Variants in TCP11L1 observed in about 807,000 individuals in gnomAD.
The protein encoded by TCP11L1 is T-complex protein 11-like protein 1.
A neutral mutation model predicts 48.9 loss-of-function variants in TCP11L1; 28 were observed. That is an observed-to-expected ratio of 0.57 (90% CI 0.42 to 0.78). TCP11L1 has a LOEUF of 0.78. Among genes scored for constraint, TCP11L1 ranks in the 30% least tolerant of loss-of-function variants. The pLI is 0.00. For synonymous variants in TCP11L1, 204 were observed against 231.9 expected (o/e 0.88, Z 1.09); for missense variants, 505 against 613.4 (o/e 0.82, Z 1.87).
intron 5 of TCP11L1, among the ~76,000 whole-genome samples, chr11:33,058,491 C>A (rs928205554): frequency 1.3e-5 from 2 of 151,264 alleles, no homozygotes; most frequent in Non-Finnish European, 2.9e-5. Context: ...AGCCACTGTG[C>A]CCAGACCAGA....
chr11:33,070,560 C>G (rs1047473408), intron 9 of TCP11L1, among the ~76,000 whole-genome samples: 6 of 151,930 alleles, frequency 3.9e-5, no homozygotes, highest in African/African-American at 1.4e-4. Context: ...TGGTGCATGC[C>G]TGTGATGCTA....
intron 6 of TCP11L1, 140 bp downstream of exon 6, chr11:33,059,235 C>T: frequency 8.5e-7 from 1 of 1,182,920 alleles, no homozygotes; most frequent in Non-Finnish European, 1.2e-6. Flanking sequence ...AGGAAAAGCA[C>T]AAAATGTTGG....
rs758937823 is a variant in TCP11L1 at position 33,072,665 on chromosome 11, G to A, written c.1519G>A (p.Val507Ile). Residue 507 changes from valine (V) to isoleucine (I), a missense_variant, in exon 10 of 10, where the codon GTC becomes ATC. Transcript: ENST00000334274. ...YYDAILSKIL[V>I]RS Reference sequence around the variant, plus strand: ...CGATGCAATCCTGAGTAAGATCCTCGTCCGATCCTAACGTGTATGCACCCT... The same window carrying A: ...CGATGCAATCCTGAGTAAGATCCTCATCCGATCCTAACGTGTATGCACCCT... 7.7e-5 allele frequency: 124 copies of A among 1,613,944 alleles called. No individual in the cohort carries two copies. The highest frequency in any genetic ancestry group is 1.3e-4 in the East Asian group (6 of 44,898).
chr11:33,060,486 G>A (rs1359176204), intron 6 of TCP11L1, among the ~76,000 whole-genome samples: 1 of 152,114 alleles, frequency 6.6e-6, no homozygotes, highest in East Asian at 1.9e-4. Flanking sequence ...TGTGACCTTG[G>A]CCGCCCACTT....
rs780771777 is a variant in TCP11L1 at position 33,058,151 on chromosome 11, T to C, written c.638+12T>C. 16 of 1,604,214 alleles carry C rather than the reference T, an allele frequency of 1.0e-5. No individual in the cohort carries two copies. Among genetic ancestry groups the C allele is most frequent in the Admixed American group, 1.7e-5 (1 of 58,780 alleles). On this transcript the variant is annotated intron_variant, in intron 5 of 9. Transcript: ENST00000334274. ...GTGCCCCTTTTCAGGTATGGAAATA[T>C]GTTAATCATACTCCGTGCAACTACA... is the stretch of plus-strand genomic sequence containing the variant.
Position 33,057,153 on chromosome 11 carries a change from T to G in TCP11L1, c.335T>G (p.Phe112Cys), listed in dbSNP as rs748793490. ...GTAAAGGAGATTGTACATAAAGCGT[T>G]TTGGGATTGCTTGAGTGTGCAGCTA... ...KRVKEIVHKA[F>C]WDCLSVQLSE... is the part of the protein sequence containing the mutation. The change falls in exon 4 of 10, where the codon TTT (phenylalanine) becomes TGT (cysteine). Residue 112 changes from phenylalanine (F) to cysteine (C), a missense_variant. Transcript: ENST00000334274. 1 of 1,614,116 alleles carries G rather than the reference T, an allele frequency of 6.2e-7. No homozygotes were observed. Among genetic ancestry groups the G allele is most frequent in the Non-Finnish European group, 8.5e-7 (1 of 1,180,014 alleles).
chr11:33,071,840 A>AT lies in TCP11L1; in HGVS notation c.1328-626dup, dbSNP rs113959970. Among the ~76,000 whole-genome samples, 953 of 150,904 alleles carry AT rather than the reference A, an allele frequency of 6.3e-3. 5 individuals carry two copies. Among genetic ancestry groups the AT allele is most frequent in the African/African-American group, 0.022 (892 of 41,076 alleles). Reference sequence around the variant, plus strand: ...CCTTTACTCACTCATGCATTCATTCATTTTTTTTGTTTTGTTTTGTTTGGG... The same window carrying AT: ...CCTTTACTCACTCATGCATTCATTCATTTTTTTTTGTTTTGTTTTGTTTGGG... On this transcript the variant is annotated intron_variant, in intron 9 of 9. Transcript: ENST00000334274.
intron 3 of TCP11L1, among the ~76,000 whole-genome samples, chr11:33,055,199 A>G (rs887617140): frequency 6.6e-6 from 1 of 152,240 alleles, no homozygotes; most frequent in Non-Finnish European, 1.5e-5. Context: ...GAAAGATCCA[A>G]GTTTCTGAGA....
chr11:33,047,866 T>C (rs1363697618), intron 2 of TCP11L1, among the ~76,000 whole-genome samples: 1 of 152,218 alleles, frequency 6.6e-6, no homozygotes, highest in African/African-American at 2.4e-5. Context: ...CTATAGTAGC[T>C]GTTTGGGTGA....
chr11:33,071,338 T>C (rs1854784613), intron 9 of TCP11L1, among the ~76,000 whole-genome samples: 1 of 152,016 alleles, frequency 6.6e-6, no homozygotes, highest in Non-Finnish European at 1.5e-5. Context: ...GTAAGGGTGT[T>C]AGGCCCTGTC....
chr11:33,046,720 A>G (rs1854006031), intron 2 of TCP11L1, among the ~76,000 whole-genome samples: 1 of 152,226 alleles, frequency 6.6e-6, no homozygotes, highest in African/African-American at 2.4e-5. Context: ...TCAGGTAAGG[A>G]AGCATTATTG....
intron 2 of TCP11L1, among the ~76,000 whole-genome samples, chr11:33,052,379 G>A (rs568492790): frequency 6.6e-6 from 1 of 152,056 alleles, no homozygotes; most frequent in Admixed American, 6.5e-5. Flanking sequence ...AGAATGTTGT[G>A]AGGAAGAATT....
At chr11:33,063,635 A>T (rs1031218985) in intron 7 of TCP11L1, among the ~76,000 whole-genome samples, 2 of 152,220 alleles carry the variant, frequency 1.3e-5, no homozygotes, top group African/African-American at 4.8e-5. Flanking sequence ...CTTTAAGAAG[A>T]TGACTAAGAA....
chr11:33,050,211 G>C (rs1324171151), intron 2 of TCP11L1, among the ~76,000 whole-genome samples: 2 of 152,186 alleles, frequency 1.3e-5, no homozygotes, highest in Non-Finnish European at 2.9e-5. Flanking sequence ...TCTTAGTACA[G>C]AACAAAATGG....
At chr11:33,058,229 C>T in intron 5 of TCP11L1, 90 bp downstream of exon 5, 3 of 1,213,784 alleles carry the variant, frequency 2.5e-6, no homozygotes, top group Admixed American at 5.7e-5. Context: ...GACAGAGTCT[C>T]ACTCTGTTGC....
intron 6 of TCP11L1, among the ~76,000 whole-genome samples, chr11:33,060,066 C>A (rs1564983200): frequency 6.6e-6 from 1 of 152,122 alleles, no homozygotes; most frequent in South Asian, 2.1e-4. Flanking sequence ...CTCACACTCT[C>A]ACCAGTGTTG....
At chr11:33,050,926 G>C (rs1354682861) in intron 2 of TCP11L1, among the ~76,000 whole-genome samples, 1 of 151,380 alleles carries the variant, frequency 6.6e-6, no homozygotes, top group East Asian at 1.9e-4. Flanking sequence ...CCATCTTCCC[G>C]TCTCAGCCTC....
chr11:33,051,787 T>C (rs2133707263), intron 2 of TCP11L1, among the ~76,000 whole-genome samples: 1 of 152,366 alleles, frequency 6.6e-6, no homozygotes, highest in South Asian at 2.1e-4. Context: ...TGTGTGTGTA[T>C]ATTAGTCTAT....
chr11:33,072,455 A>G lies in TCP11L1; in HGVS notation c.1328-19A>G, dbSNP rs1429174269. 3 of 1,613,406 alleles carry G rather than the reference A, an allele frequency of 1.9e-6. No homozygotes were observed. Among genetic ancestry groups the G allele is most frequent in the South Asian group, 2.2e-5 (2 of 91,074 alleles). On this transcript the variant is annotated intron_variant, in intron 9 of 9. Transcript: ENST00000334274. The stretch of plus-strand genomic sequence containing the variant: ...GGTGAAGGACAAGAAACAACTGACC[A>G]CTTTCTTTTTTGTCACAGAATCTCG...
Sources: gnomAD v4.1 joint callset for allele counts (sites outside exome capture counted in the v4.1 genomes callset) on GRCh38, gnomAD v4.1.1 for gene constraint, MANE v1.5 for transcripts, NCBI Gene and HGNC (gene_info 2026-07-23, HGNC 2026-07-21) for gene names.